Variants in RBFOX1 observed in about 807,000 individuals in gnomAD.
RBFOX1 encodes RNA binding protein fox-1 homolog 1.
A neutral mutation model predicts 57.7 loss-of-function variants in RBFOX1; 8 were observed. The ratio of observed to expected loss-of-function variants is 0.14; its 90% confidence interval spans 0.08 to 0.25. The LOEUF (loss-of-function observed/expected upper bound fraction) is 0.25, where lower values mean the gene tolerates loss of function less well. RBFOX1 is among the 10% of genes least tolerant of loss of function. The probability of loss-of-function intolerance (pLI) is 1.00; values close to 1 mark genes in which losing one functional copy is unlikely to be tolerated. For synonymous variants in RBFOX1, 326 were observed against 222.4 expected (o/e 1.47, Z -4.15); for missense variants, 611 against 548.5 (o/e 1.11, Z -1.14).
chr16:7,616,481 A>G lies in RBFOX1; in HGVS notation c.676+9143A>G, dbSNP rs1032134988. ...CCCATGCTATGGAGGTGTGAGGAACAGGAATTCACCATAAATAGTTACCAT... is the reference window on the plus strand; with the variant it reads ...CCCATGCTATGGAGGTGTGAGGAACGGGAATTCACCATAAATAGTTACCAT... On this transcript the variant is annotated intron_variant, in intron 10 of 15. Transcript: ENST00000550418. Among the ~76,000 whole-genome samples, 109 of 152,384 alleles carry G rather than the reference A, an allele frequency of 7.2e-4. 1 individual carries two copies. The highest frequency in any genetic ancestry group is 2.4e-3 in the African/African-American group (99 of 41,596).
intron 3 of RBFOX1, among the ~76,000 whole-genome samples, chr16:5,762,537 C>T (rs868398112): frequency 3.9e-5 from 6 of 152,104 alleles, no homozygotes; most frequent in South Asian, 2.1e-4. Context: ...TGCTTTGACC[C>T]GGCAATTCCA....
intron 4 of RBFOX1, among the ~76,000 whole-genome samples, chr16:5,935,487 C>G (rs2059149922): frequency 6.6e-6 from 1 of 152,096 alleles, no homozygotes; most frequent in Non-Finnish European, 1.5e-5. Flanking sequence ...GGAGCTGTTC[C>G]TAATTGGTAC....
chr16:5,303,855 G>C (rs1048014766), intron 1 of RBFOX1, among the ~76,000 whole-genome samples: 2 of 151,998 alleles, frequency 1.3e-5, no homozygotes, highest in Non-Finnish European at 1.5e-5. Context: ...CCTGGAGCTA[G>C]GCTCAGCATC....
chr16:5,417,749 A>C (rs1368089800), intron 1 of RBFOX1, among the ~76,000 whole-genome samples: 1 of 152,152 alleles, frequency 6.6e-6, no homozygotes, highest in East Asian at 1.9e-4. Flanking sequence ...CAGAGAGGTG[A>C]CTGTGTCTTC....
rs1434253369 is a variant in RBFOX1 at position 7,029,006 on chromosome 16, G to A, written c.-15-23051G>A. 9.1e-5 allele frequency among the ~76,000 whole-genome samples: 12 copies of A among 132,114 alleles called. No individual in the cohort carries two copies. The East Asian group carries it at 1.4e-3, about 15-fold the overall frequency. The allele number at this position is 132,114 out of a possible 152,430, so 86.7% of individuals were successfully genotyped here. On this transcript the variant is annotated intron_variant, in intron 3 of 15. Transcript: ENST00000550418. Reference sequence around the variant, plus strand: ...CAATCTCCAGATGAACTTAACTAACGGTTTCTAGTAATGCTAAGCATAAAA... The same window carrying A: ...CAATCTCCAGATGAACTTAACTAACAGTTTCTAGTAATGCTAAGCATAAAA...
At chr16:6,991,410 C>A (rs752231223) in intron 3 of RBFOX1, among the ~76,000 whole-genome samples, 1 of 152,188 alleles carries the variant, frequency 6.6e-6, no homozygotes. Flanking sequence ...TCCGTTTGGG[C>A]CTCAGGAAGC....
At chr16:5,954,096 C>T (rs147713592) in intron 4 of RBFOX1, among the ~76,000 whole-genome samples, 1 of 152,210 alleles carries the variant, frequency 6.6e-6, no homozygotes, top group African/African-American at 2.4e-5. Flanking sequence ...AGCCCCCTGC[C>T]ATCGAGAATG....
At chr16:6,117,910 C>T (rs1361023147) in intron 1 of RBFOX1, among the ~76,000 whole-genome samples, 1 of 152,132 alleles carries the variant, frequency 6.6e-6, no homozygotes, top group East Asian at 1.9e-4. Flanking sequence ...TTCTTCTAAA[C>T]ACAGTGAAAG....
intron 4 of RBFOX1, among the ~76,000 whole-genome samples, chr16:7,213,462 G>T (rs1202495446): frequency 6.6e-6 from 1 of 152,072 alleles, no homozygotes; most frequent in Non-Finnish European, 1.5e-5. Context: ...CCATGAATCA[G>T]ACTTTAATAG....
At chr16:7,367,601 C>G (rs1000508402) in intron 4 of RBFOX1, among the ~76,000 whole-genome samples, 1 of 152,154 alleles carries the variant, frequency 6.6e-6, no homozygotes, top group Non-Finnish European at 1.5e-5. Context: ...GTCTCTAACT[C>G]CAGACTCTGA....
chr16:5,498,092 C>A (rs556038227), intron 2 of RBFOX1, among the ~76,000 whole-genome samples: 1 of 152,150 alleles, frequency 6.6e-6, no homozygotes, highest in Admixed American at 6.5e-5. Flanking sequence ...GAGGGCAGAC[C>A]CTGGAGGTCA....
chr16:6,199,224 C>T (rs1598305237), intron 1 of RBFOX1, among the ~76,000 whole-genome samples: 1 of 152,126 alleles, frequency 6.6e-6, no homozygotes, highest in Non-Finnish European at 1.5e-5. Flanking sequence ...AATGCACATT[C>T]TTAATAATTT....
At chr16:7,511,277 C>G (rs1197549659) in intron 4 of RBFOX1, among the ~76,000 whole-genome samples, 1 of 152,198 alleles carries the variant, frequency 6.6e-6, no homozygotes, top group Non-Finnish European at 1.5e-5. Context: ...GGCTACCACT[C>G]TTGTTTCTCT....
At chr16:7,391,906 A>T (rs186175011) in intron 4 of RBFOX1, among the ~76,000 whole-genome samples, 168 of 152,198 alleles carry the variant, frequency 1.1e-3, no homozygotes, top group African/African-American at 3.7e-3. Flanking sequence ...AGGGACAAGG[A>T]TATCAACTTG....
intron 2 of RBFOX1, among the ~76,000 whole-genome samples, chr16:5,567,403 C>G (rs570583131): frequency 4.3e-4 from 66 of 152,222 alleles, no homozygotes; most frequent in Middle Eastern, 3.4e-3. Context: ...AGTAATAAGT[C>G]TGAACACAGC....
At chr16:6,587,076 T>C (rs2160176) in intron 2 of RBFOX1, among the ~76,000 whole-genome samples, 7 of 151,800 alleles carry the variant, frequency 4.6e-5, no homozygotes, top group African/African-American at 1.7e-4. Flanking sequence ...TAGTATACAG[T>C]ACCTAATTAT....
At chr16:5,447,847 G>A (rs144126377) in intron 1 of RBFOX1, among the ~76,000 whole-genome samples, 213 of 152,332 alleles carry the variant, frequency 1.4e-3, no homozygotes, top group Non-Finnish European at 2.6e-3. Flanking sequence ...ACCCATGGCC[G>A]AAAGTGGCCA....
intron 3 of RBFOX1, among the ~76,000 whole-genome samples, chr16:6,819,571 C>T (rs191146618): frequency 7.8e-4 from 119 of 151,774 alleles, no homozygotes; most frequent in African/African-American, 2.8e-3. Context: ...GGCCTGTTGG[C>T]GTGTATGCCT....
chr16:5,960,701 A>G (rs971125701), intron 4 of RBFOX1, among the ~76,000 whole-genome samples: 1 of 152,164 alleles, frequency 6.6e-6, no homozygotes, highest in Non-Finnish European at 1.5e-5. Flanking sequence ...TTTCAACTTC[A>G]CAGAGCCCAG....
Sources: gnomAD v4.1 joint callset for allele counts (sites outside exome capture counted in the v4.1 genomes callset) on GRCh38, gnomAD v4.1.1 for gene constraint, MANE v1.5 for transcripts, NCBI Gene and HGNC (gene_info 2026-07-23, HGNC 2026-07-21) for gene names.